Variants in ANKRD12 observed in about 807,000 individuals in gnomAD.
The protein encoded by ANKRD12 is ankyrin repeat domain 12, also known as ankyrin repeat domain-containing protein 12.
A neutral mutation model predicts 183.4 loss-of-function variants in ANKRD12; 85 were observed. The ratio of observed to expected loss-of-function variants is 0.46; its 90% confidence interval spans 0.39 to 0.56. ANKRD12 has a LOEUF of 0.56. Among genes scored for constraint, ANKRD12 ranks in the 20% least tolerant of loss-of-function variants. The probability of loss-of-function intolerance (pLI) is 0.00; values close to 1 mark genes in which losing one functional copy is unlikely to be tolerated. For synonymous variants in ANKRD12, 914 were observed against 800.2 expected, an observed-to-expected ratio of 1.14 and a Z score of -2.40; for missense variants, 2,405 against 2,357.1, an observed-to-expected ratio of 1.02 and a Z score of -0.42.
At chr18:9,238,428 C>G (rs938615888) in intron 8 of ANKRD12, among the ~76,000 whole-genome samples, 2 of 152,140 alleles carry the variant, frequency 1.3e-5, no homozygotes, top group African/African-American at 4.8e-5. Context: ...ATATTTCCAC[C>G]TGGATTTCCT....
chr18:9,203,666 A>G (rs1427893195), intron 3 of ANKRD12, among the ~76,000 whole-genome samples: 1 of 152,078 alleles, frequency 6.6e-6, no homozygotes, highest in South Asian at 2.1e-4. Context: ...GTACAATGGC[A>G]TGATCTCAGC....
At chr18:9,150,091 G>A (rs190157890) in intron 1 of ANKRD12, among the ~76,000 whole-genome samples, 27 of 152,186 alleles carry the variant, frequency 1.8e-4, no homozygotes, top group African/African-American at 5.8e-4. Flanking sequence ...ATCGTGCCTG[G>A]CCTGTAATGT....
chr18:9,154,219 C>T (rs2030036829), intron 1 of ANKRD12, among the ~76,000 whole-genome samples: 1 of 152,120 alleles, frequency 6.6e-6, no homozygotes, highest in South Asian at 2.1e-4. Context: ...CCCAGCAGTT[C>T]AAGACCAGTC....
chr18:9,205,557 A>G (rs887740999), intron 4 of ANKRD12, among the ~76,000 whole-genome samples: 7 of 152,088 alleles, frequency 4.6e-5, no homozygotes, highest in African/African-American at 1.7e-4. Flanking sequence ...GGGCATATTT[A>G]CAGTCAGTTA....
At chr18:9,157,779 G>A (rs1322233409) in intron 1 of ANKRD12, among the ~76,000 whole-genome samples, 1 of 151,502 alleles carries the variant, frequency 6.6e-6, no homozygotes, top group Non-Finnish European at 1.5e-5. Context: ...TGACAGCATC[G>A]GTTTTCCTCT....
intron 1 of ANKRD12, among the ~76,000 whole-genome samples, chr18:9,161,190 A>G (rs560170187): frequency 2.6e-4 from 39 of 152,164 alleles, no homozygotes; most frequent in Admixed American, 1.9e-3. Flanking sequence ...ATCCTTCTCC[A>G]TGACCTCCAA....
intron 8 of ANKRD12, among the ~76,000 whole-genome samples, chr18:9,235,156 AAATT>A (rs923103825): frequency 2.1e-4 from 32 of 152,294 alleles, no homozygotes; most frequent in Admixed American, 1.9e-3. Context: ...ATAAGTTAAA[AAATT>A]AATTCATCAT....
At chr18:9,235,743 C>T in intron 8 of ANKRD12, 1 of 453,384 alleles carries the variant, frequency 2.2e-6, no homozygotes, top group Non-Finnish European at 4.4e-6. Flanking sequence ...GCCAAACAGC[C>T]TTGGTTCTTT....
chr18:9,222,142 A>G, intron 8 of ANKRD12, 143 bp downstream of exon 8: 1 of 1,002,924 alleles, frequency 1.0e-6, no homozygotes, highest in Non-Finnish European at 1.4e-6. Context: ...TAACTAGCTA[A>G]GAATGATGAA....
chr18:9,246,846 T>G (rs911461769), intron 8 of ANKRD12, among the ~76,000 whole-genome samples: 1 of 152,204 alleles, frequency 6.6e-6, no homozygotes. Flanking sequence ...AAAACAGTCC[T>G]GTGAGTATTA....
intron 1 of ANKRD12, among the ~76,000 whole-genome samples, chr18:9,157,593 A>G (rs1337233741): frequency 3.6e-5 from 4 of 112,476 alleles, no homozygotes; most frequent in African/African-American, 1.8e-4. Flanking sequence ...GTGTATATAT[A>G]TATATATGTA....
Position 9,255,080 on chromosome 18 carries a change from A to G in ANKRD12, c.1813A>G (p.Lys605Glu). 1.9e-6 allele frequency: 3 copies of G among 1,580,684 alleles called. No individual in the cohort carries two copies. The highest frequency in any genetic ancestry group is 1.2e-5 in the South Asian group (1 of 84,626). Reference sequence around the variant, plus strand: ...TGTAAAATCTTGTAAGCATAAGGAAAAAAGCAAACATCAGAAAGATTTCCA... The same window carrying G: ...TGTAAAATCTTGTAAGCATAAGGAAGAAAGCAAACATCAGAAAGATTTCCA... The part of the protein sequence containing the change: ...SSVKSCKHKE[K>E]SKHQKDFHLE... Residue 605 changes from lysine (K) to glutamate (E), a missense_variant, in exon 9 of 13, where the codon AAA becomes GAA. This residue lies in a region of ANKRD12 where 1,983 missense variants were observed against 1,725.9 expected (regional missense o/e 1.15). Transcript: ENST00000262126.
chr18:9,222,091 A>G (rs1273241081), intron 8 of ANKRD12, 92 bp downstream of exon 8: 8 of 1,428,582 alleles, frequency 5.6e-6, no homozygotes, highest in Non-Finnish European at 6.7e-6. Context: ...AAATGTTTGA[A>G]TACTTTAGAA....
intron 11 of ANKRD12, among the ~76,000 whole-genome samples, chr18:9,276,547 TTACAAA>T (rs2039843785): frequency 1.3e-5 from 2 of 151,664 alleles, no homozygotes; most frequent in Non-Finnish European, 2.9e-5. Flanking sequence ...AACCCCGTCT[TTACAAA>T]AAATATAAAA....
intron 7 of ANKRD12, among the ~76,000 whole-genome samples, chr18:9,219,902 C>G (rs530104836): frequency 1.3e-5 from 2 of 152,194 alleles, no homozygotes; most frequent in African/African-American, 4.8e-5. Flanking sequence ...TTGCTCCTCT[C>G]TCACCCTGGG....
At chr18:9,195,304 A>G (rs1347134216) in intron 2 of ANKRD12, among the ~76,000 whole-genome samples, 2 of 152,184 alleles carry the variant, frequency 1.3e-5, no homozygotes, top group African/African-American at 2.4e-5. Context: ...TTACATAACA[A>G]ACCTGCACAG....
rs1340919802 is a variant in ANKRD12, at chr18:9,283,557, A to G, written c.*2431A>G. The G allele has an allele frequency of 2.0e-5, 3 of 152,640 alleles. No individual in the cohort carries two copies. The highest frequency in any genetic ancestry group is 4.4e-5 in the Non-Finnish European group (3 of 68,030). The allele number at this position is 152,640 out of a possible 1,614,324, so 9.5% of individuals were successfully genotyped here. On this transcript the variant is annotated 3_prime_UTR_variant, in exon 13 of 13. Transcript: ENST00000262126. ...GCTAGAAAAAAATTTGGAATGGAGT[A>G]TATGCCTGAAAAGGTTTTGGATTCA...
At position 9,257,031 on chromosome 18, in the gene ANKRD12, C is replaced by T; in HGVS notation, c.3764C>T (p.Ser1255Phe). Residue 1255 changes from serine to phenylalanine, a missense_variant, in exon 9 of 13, where the codon TCT (serine) becomes TTT (phenylalanine). Ser to Phe is a radical substitution (Grantham distance 155). Around this residue, in one of 7 missense-constraint regions of ANKRD12, gnomAD observed 1,983 missense variants for 1,725.9 expected, o/e 1.15. Transcript: ENST00000262126. ...SQSPFLSIAK[S>F]PALHERELDS... ...TCACCTTTTTTGTCAATTGCCAAAT[C>T]TCCTGCTCTTCATGAAAGGGAATTG... 6.2e-7 allele frequency: 1 copy of T among 1,614,106 alleles called. No homozygotes were observed.
intron 9 of ANKRD12, chr18:9,259,594 T>C (rs1034522322): frequency 5.3e-5 from 8 of 152,228 alleles, no homozygotes; most frequent in East Asian, 3.8e-4. Flanking sequence ...ATTAGAAGTT[T>C]AGTTGTGTCA....
Sources: gnomAD v4.1 joint callset for allele counts (sites outside exome capture counted in the v4.1 genomes callset) on GRCh38, gnomAD v4.1.1 for gene constraint, gnomAD v4.1.1 regional missense constraint, MANE v1.5 for transcripts, NCBI Gene and HGNC (gene_info 2026-07-23, HGNC 2026-07-21) for gene names.